TCF7L1: variants seen among roughly 807,000 people sequenced by gnomAD.
The protein encoded by TCF7L1 is transcription factor 7-like 1.
Under a neutral mutation model 63.7 loss-of-function variants are expected in TCF7L1, and 18 were observed. The observed-to-expected ratio is 0.28, with a 90% confidence interval of 0.20 to 0.42. The LOEUF is 0.42. Among genes scored for constraint, TCF7L1 ranks in the 10% least tolerant of loss-of-function variants. TCF7L1 has a pLI of 1.00. For missense variants in TCF7L1, 654 were observed against 779.3 expected (o/e 0.84, Z 1.91); for synonymous variants, 355 against 340.9 (o/e 1.04, Z -0.46).
chr2:85,239,955 A>C (rs989082124), intron 3 of TCF7L1, among the ~76,000 whole-genome samples: 27 of 151,818 alleles, frequency 1.8e-4, no homozygotes, highest in East Asian at 3.9e-4. Flanking sequence ...AAAAAAAAAA[A>C]AAAAAACAAA....
intron 3 of TCF7L1, among the ~76,000 whole-genome samples, chr2:85,275,197 A>G (rs945863992): frequency 6.6e-6 from 1 of 152,198 alleles, no homozygotes; most frequent in Non-Finnish European, 1.5e-5. Context: ...CTTCAGGCTG[A>G]TGAAGTAAAA....
intron 3 of TCF7L1, among the ~76,000 whole-genome samples, chr2:85,180,093 AG>A (rs1045271738): frequency 1.7e-4 from 26 of 151,852 alleles, no homozygotes; most frequent in Admixed American, 6.6e-5. Flanking sequence ...TGTTGGAGAA[AG>A]GGGCAGGGGG....
At chr2:85,241,431 G>GTTTTTTTTTTTTTTTTTT (rs1273488175) in intron 3 of TCF7L1, among the ~76,000 whole-genome samples, 3 of 68,788 alleles carry the variant, frequency 4.4e-5, no homozygotes, top group African/African-American at 5.2e-5. Flanking sequence ...GATGCACTTT[G>GTTTTTTTTTTTTTTTTTT]TTTTTGTTTT....
intron 3 of TCF7L1, among the ~76,000 whole-genome samples, chr2:85,142,803 G>A (rs775660556): frequency 1.3e-5 from 2 of 152,206 alleles, no homozygotes; most frequent in Non-Finnish European, 2.9e-5. Context: ...GCTCTGTGCT[G>A]TATGCACTGC....
At chr2:85,202,704 T>C (rs1339892768) in intron 3 of TCF7L1, among the ~76,000 whole-genome samples, 2 of 152,198 alleles carry the variant, frequency 1.3e-5, no homozygotes, top group Non-Finnish European at 2.9e-5. Context: ...ATTAGAATAT[T>C]AGAGCAGGCC....
intron 3 of TCF7L1, among the ~76,000 whole-genome samples, chr2:85,215,051 C>T (rs988376476): frequency 1.3e-5 from 2 of 152,126 alleles, no homozygotes; most frequent in African/African-American, 4.8e-5. Context: ...AAACTCCAGC[C>T]CTGTGCCCTG....
At chr2:85,276,948 A>G (rs1681286441) in intron 3 of TCF7L1, among the ~76,000 whole-genome samples, 1 of 152,144 alleles carries the variant, frequency 6.6e-6, no homozygotes, top group Non-Finnish European at 1.5e-5. Flanking sequence ...TGGGTTTTGA[A>G]GAAGAGGGGT....
intron 11 of TCF7L1, 144 bp downstream of exon 11, chr2:85,307,861 C>G: frequency 3.0e-6 from 2 of 677,494 alleles, no homozygotes; most frequent in Admixed American, 5.3e-5. Flanking sequence ...CTCGAGGTGG[C>G]CACTTAAGAG....
chr2:85,266,352 G>T (rs985085499), intron 3 of TCF7L1, among the ~76,000 whole-genome samples: 19 of 152,178 alleles, frequency 1.2e-4, no homozygotes, highest in African/African-American at 3.6e-4. Context: ...CACCACCAGG[G>T]TATTAAAAAG....
rs747783012 is a variant in TCF7L1 at position 85,309,208 on chromosome 2, C to T, written c.1513C>T (p.Leu505Phe). ...THSEQAQPLS[L>F]TTKPETRAQL... ...TTCGGAGCAAGCCCAGCCCCTCTCC[C>T]TCACCACCAAACCAGAAACCCGGGC... is the stretch of plus-strand genomic sequence containing the variant. Residue 505 changes from leucine to phenylalanine, a missense_variant, in exon 12 of 12, where the codon CTC (leucine) becomes TTC (phenylalanine). Physicochemically the swap from Leu to Phe is conservative, Grantham distance 22. Coordinates refer to ENST00000282111, the MANE Select transcript of TCF7L1 (RefSeq NM_031283.3). 1 of 1,614,162 alleles carries T rather than the reference C, an allele frequency of 6.2e-7. No individual in the cohort carries two copies. The highest frequency in any genetic ancestry group is 1.7e-5 in the Admixed American group (1 of 60,030).
At chr2:85,191,609 G>A (rs886676784) in intron 3 of TCF7L1, among the ~76,000 whole-genome samples, 4 of 152,130 alleles carry the variant, frequency 2.6e-5, no homozygotes, top group Non-Finnish European at 5.9e-5. Flanking sequence ...GGCAGATCAC[G>A]AGGTCAGGAG....
intron 4 of TCF7L1, among the ~76,000 whole-genome samples, chr2:85,291,360 T>C (rs7572226): frequency 0.12 from 17,625 of 152,202 alleles, 1,136 homozygotes; most frequent in South Asian, 0.17. Context: ...AATATCTAAA[T>C]TCATCACTCA....
chr2:85,253,021 A>G (rs540119103), intron 3 of TCF7L1, among the ~76,000 whole-genome samples: 19 of 152,302 alleles, frequency 1.2e-4, no homozygotes, highest in Non-Finnish European at 2.8e-4. Context: ...ATGTCATGAC[A>G]TGGAAGAAGG....
At chr2:85,227,948 C>A (rs896091109) in intron 3 of TCF7L1, among the ~76,000 whole-genome samples, 1 of 149,608 alleles carries the variant, frequency 6.7e-6, no homozygotes, top group Non-Finnish European at 1.5e-5. Context: ...ACTATGATCT[C>A]CCTACTGCAC....
At chr2:85,209,048 G>A (rs1679483610) in intron 3 of TCF7L1, among the ~76,000 whole-genome samples, 1 of 152,182 alleles carries the variant, frequency 6.6e-6, no homozygotes, top group African/African-American at 2.4e-5. Flanking sequence ...AAACAGGGTG[G>A]TCTGGTTGTA....
At chr2:85,238,917 T>C (rs1394588088) in intron 3 of TCF7L1, among the ~76,000 whole-genome samples, 1 of 151,396 alleles carries the variant, frequency 6.6e-6, no homozygotes, top group South Asian at 2.1e-4. Context: ...CCTCCCGAGG[T>C]CAAGCAGTTC....
intron 3 of TCF7L1, among the ~76,000 whole-genome samples, chr2:85,168,613 T>C (rs1460362721): frequency 1.3e-5 from 2 of 151,490 alleles, no homozygotes; most frequent in East Asian, 3.9e-4. Flanking sequence ...CACAGGTCCA[T>C]CTGTAAATAC....
intron 3 of TCF7L1, among the ~76,000 whole-genome samples, chr2:85,222,041 G>T (rs1255337895): frequency 1.3e-5 from 2 of 152,014 alleles, no homozygotes; most frequent in Non-Finnish European, 2.9e-5. Context: ...AGATTAAAAG[G>T]CTATAAAAGA....
At chr2:85,272,794 A>G (rs951933082) in intron 3 of TCF7L1, among the ~76,000 whole-genome samples, 4 of 152,124 alleles carry the variant, frequency 2.6e-5, no homozygotes, top group Non-Finnish European at 5.9e-5. Context: ...GACCCTATCA[A>G]TCAATCCATT....
Sources: gnomAD v4.1 joint callset for allele counts (sites outside exome capture counted in the v4.1 genomes callset) on GRCh38, gnomAD v4.1.1 for gene constraint, MANE v1.5 for transcripts, NCBI Gene and HGNC (gene_info 2026-07-23, HGNC 2026-07-21) for gene names.